Variants in CRACR2A observed in about 807,000 individuals in gnomAD.
CRACR2A encodes the protein EF-hand calcium-binding domain-containing protein 4B.
In CRACR2A, 79 loss-of-function variants were observed where a neutral mutation model predicts 90.5. The observed-to-expected ratio is 0.87, with a 90% CI of 0.73 to 1.05. The LOEUF is 1.05. Ranked by LOEUF, CRACR2A falls within the 50% of genes least tolerant of loss-of-function variation. CRACR2A has a pLI of 0.00. For missense variants in CRACR2A, 823 were observed against 897.2 expected, an observed-to-expected ratio of 0.92 and a Z score of 1.06; for synonymous variants, 338 against 356.7, an observed-to-expected ratio of 0.95 and a Z score of 0.59.
At chr12:3,666,354 T>TGTGTGTGTGC (rs372810487) in intron 7 of CRACR2A, among the ~76,000 whole-genome samples, 16 of 145,050 alleles carry the variant, frequency 1.1e-4, no homozygotes, top group Middle Eastern at 3.4e-3. Flanking sequence ...TGTGTGTGTG[T>TGTGTGTGTGC]GCGTGCGTGT....
At chr12:3,629,850 G>GC (rs1491190081) in intron 15 of CRACR2A, among the ~76,000 whole-genome samples, 1 of 14,460 alleles carries the variant, frequency 6.9e-5, no homozygotes, top group Non-Finnish European at 1.2e-4. Context: ...AAAAGACAAG[G>GC]GGGGGGGGGG....
chr12:3,638,325 C>T lies in CRACR2A; in HGVS notation c.1401G>A (p.Pro467=), dbSNP rs752217213. ...EPGPGGPYPR[P]LRRIISVEED... is the part of the protein sequence containing the mutation. ...CTTCAACGGAGATGATTCTGCGGAG[C>T]GGCCGGGGGTACGGACCCCCAGGCC... Residue 467 remains proline, a synonymous_variant, in exon 14 of 20, where the codon CCG becomes CCA. Transcript: ENST00000440314. The T allele has an allele frequency of 2.6e-5, 40 of 1,551,068 alleles. No individual in the cohort carries two copies. Among genetic ancestry groups the T allele is most frequent in the South Asian group, 1.5e-4 (13 of 84,060 alleles).
chr12:3,626,693 G>A (rs1944267916), intron 17 of CRACR2A, among the ~76,000 whole-genome samples: 1 of 152,196 alleles, frequency 6.6e-6, no homozygotes, highest in African/African-American at 2.4e-5. Flanking sequence ...CCGAGGCCTG[G>A]CAAAAAGCAA....
rs369745699 is a variant in CRACR2A, at chr12:3,619,750, C to T, written c.1933-378G>A. Among the ~76,000 whole-genome samples, 30 of 152,346 alleles carry T rather than the reference C, an allele frequency of 2.0e-4. 1 individual carries two copies. In the East Asian group the frequency reaches 4.4e-3, roughly 23 times the overall value. ...TCCAGAGCTTACAGCACCCTGAGGGCGTGCCTAATTGGCCAGGCTTAGTCC... is the reference window on the plus strand; with the variant it reads ...TCCAGAGCTTACAGCACCCTGAGGGTGTGCCTAATTGGCCAGGCTTAGTCC... On this transcript the variant is annotated intron_variant, in intron 17 of 19. Transcript: ENST00000440314.
intron 4 of CRACR2A, among the ~76,000 whole-genome samples, chr12:3,682,699 C>T (rs1324321203): frequency 6.6e-6 from 1 of 152,136 alleles, no homozygotes; most frequent in African/African-American, 2.4e-5. Flanking sequence ...TCTTATTTAT[C>T]GCTCTGCTCA....
intron 17 of CRACR2A, 144 bp downstream of exon 17, chr12:3,627,292 C>A: frequency 1.5e-6 from 1 of 650,436 alleles, no homozygotes; most frequent in Non-Finnish European, 2.6e-6. Flanking sequence ...AACAGAGGAA[C>A]ACATGCCTGC....
chr12:3,704,911 G>C (rs1288405655), intron 3 of CRACR2A, among the ~76,000 whole-genome samples: 1 of 152,220 alleles, frequency 6.6e-6, no homozygotes, highest in African/African-American at 2.4e-5. Flanking sequence ...TGCAGTCTTT[G>C]CTGAGCGTCT....
At chr12:3,719,259 T>C (rs1946122407) in intron 2 of CRACR2A, among the ~76,000 whole-genome samples, 1 of 151,976 alleles carries the variant, frequency 6.6e-6, no homozygotes, top group African/African-American at 2.4e-5. Context: ...AGACTTGGGA[T>C]TTTTTTTAAA....
At chr12:3,626,475 T>C (rs1565462244) in intron 17 of CRACR2A, among the ~76,000 whole-genome samples, 1 of 152,198 alleles carries the variant, frequency 6.6e-6, no homozygotes, top group Non-Finnish European at 1.5e-5. Context: ...AAATATGTGA[T>C]GGGATATGCA....
At chr12:3,697,172 T>A in intron 3 of CRACR2A, 137 bp from the exon 4 acceptor site, 1 of 1,079,202 alleles carries the variant, frequency 9.3e-7, no homozygotes, top group South Asian at 1.7e-5. Context: ...ACCTCTTAAT[T>A]AGCAAAAGCT....
chr12:3,673,920 T>A (rs962879134), intron 6 of CRACR2A, among the ~76,000 whole-genome samples: 3 of 152,170 alleles, frequency 2.0e-5, no homozygotes, highest in African/African-American at 7.2e-5. Flanking sequence ...GCTGTCTGAC[T>A]CCGGTGTTGG....
intron 3 of CRACR2A, among the ~76,000 whole-genome samples, chr12:3,699,566 G>A (rs140339623): frequency 4.1e-4 from 63 of 152,244 alleles, no homozygotes; most frequent in African/African-American, 1.5e-3. Context: ...GTCACTCTGG[G>A]CCTGAGAAAT....
intron 13 of CRACR2A, among the ~76,000 whole-genome samples, chr12:3,639,305 G>A (rs1159254647): frequency 6.6e-6 from 1 of 152,246 alleles, no homozygotes; most frequent in East Asian, 1.9e-4. Context: ...AGCACTAAGG[G>A]CAAGGAGAAG....
intron 2 of CRACR2A, among the ~76,000 whole-genome samples, chr12:3,722,863 T>C (rs1483194836): frequency 2.0e-5 from 3 of 152,210 alleles, no homozygotes; most frequent in African/African-American, 7.2e-5. Flanking sequence ...AAAAACAGAA[T>C]TGGGAATCAG....
intron 3 of CRACR2A, among the ~76,000 whole-genome samples, chr12:3,705,643 G>A (rs1053017254): frequency 3.3e-5 from 5 of 152,194 alleles, no homozygotes; most frequent in African/African-American, 2.4e-5. Flanking sequence ...TGATTAACTC[G>A]GAGCTGGCGA....
chr12:3,666,581 C>T (rs1591670815), intron 7 of CRACR2A, among the ~76,000 whole-genome samples: 1 of 152,188 alleles, frequency 6.6e-6, no homozygotes, highest in East Asian at 1.9e-4. Context: ...ACTTATCCTG[C>T]CAGCCTCCCA....
chr12:3,649,004 T>TTC (rs1252449098), intron 10 of CRACR2A, among the ~76,000 whole-genome samples: 1 of 151,736 alleles, frequency 6.6e-6, no homozygotes, highest in African/African-American at 2.4e-5. Flanking sequence ...ACACCACATG[T>TTC]TCTCACTCAT....
chr12:3,737,267 A>G (rs1335582430), intron 1 of CRACR2A, among the ~76,000 whole-genome samples: 11 of 152,236 alleles, frequency 7.2e-5, no homozygotes. Flanking sequence ...AAATACCCTC[A>G]GGTAGAACAC....
intron 1 of CRACR2A, among the ~76,000 whole-genome samples, chr12:3,745,656 C>A (rs890410294): frequency 6.6e-6 from 1 of 151,798 alleles, no homozygotes; most frequent in African/African-American, 2.4e-5. Flanking sequence ...TGCCTGTAAT[C>A]CCAGCTACTT....
Sources: allele counts gnomAD v4.1 joint callset (sites outside exome capture counted in the v4.1 genomes callset), GRCh38; gene constraint gnomAD v4.1.1; transcripts MANE v1.5; gene names NCBI Gene and HGNC (gene_info 2026-07-23, HGNC 2026-07-21).